The following MMS22L variants were observed in gnomAD, a reference collection of about 807,000 sequenced individuals.
The protein encoded by MMS22L is protein MMS22-like.
Under a neutral mutation model 159.1 loss-of-function variants are expected in MMS22L, and 74 were observed. The observed-to-expected ratio is 0.47, with a 90% CI of 0.39 to 0.56. MMS22L has a LOEUF of 0.56. Among genes scored for constraint, MMS22L ranks in the 20% least tolerant of loss-of-function variants. The pLI, the probability that MMS22L is intolerant of heterozygous loss-of-function variation, is 0.00. For synonymous variants in MMS22L, 517 were observed against 506.9 expected (o/e 1.02, Z -0.27); for missense variants, 1,351 against 1,422.1 (o/e 0.95, Z 0.80).
At chr6:97,172,083 T>G (rs1803607466) in intron 19 of MMS22L, among the ~76,000 whole-genome samples, 1 of 152,170 alleles carries the variant, frequency 6.6e-6, no homozygotes, top group Admixed American at 6.6e-5. Flanking sequence ...GACATTTATC[T>G]TGGCAAAAAT....
At chr6:97,172,883 G>A (rs569302989) in intron 19 of MMS22L, among the ~76,000 whole-genome samples, 180 bp downstream of exon 19, 1 of 152,216 alleles carries the variant, frequency 6.6e-6, no homozygotes, top group East Asian at 1.9e-4. Context: ...AAGAGATAGA[G>A]CAAGACAGAG....
intron 23 of MMS22L, among the ~76,000 whole-genome samples, chr6:97,150,669 A>C (rs1801235315): frequency 6.6e-6 from 1 of 152,170 alleles, no homozygotes; most frequent in Admixed American, 6.5e-5. Flanking sequence ...AATTTTCACA[A>C]ATCCATTGTT....
Position 97,282,345 on chromosome 6 carries a change from C to T in MMS22L, c.133G>A (p.Glu45Lys). 6.2e-7 allele frequency: 1 copy of T among 1,614,080 alleles called. No individual in the cohort carries two copies. The highest frequency in any genetic ancestry group is 1.1e-5 in the South Asian group (1 of 91,074). The change falls in exon 2 of 25, where the codon GAA becomes AAA. Residue 45 changes from glutamate (E) to lysine (K), a missense_variant. Coordinates refer to ENST00000683635, the MANE Select transcript of MMS22L (RefSeq NM_001350599.2). ...AGGGCTCCGCTGCAGAGGTAGGATT[C>T]TCCAGAAAAATGTTTTCCTCCTCCT... ...NRGGGKHFSGESYLCSGALKR... is the reference protein window; with the variant it reads ...NRGGGKHFSGKSYLCSGALKR...
Position 97,200,852 on chromosome 6 carries a change from GA to G in MMS22L, c.2040-14163del, listed in dbSNP as rs541179510. ...TCCTGTGAATTTTAACTAGAAATTG[GA>G]AAAAAAAATTACTTTCAAATAAGAC... On this transcript the variant is annotated intron_variant, in intron 14 of 24. Coordinates refer to ENST00000683635, the MANE Select transcript of MMS22L (RefSeq NM_001350599.2). Among the ~76,000 whole-genome samples the G allele has an allele frequency of 1.9e-3, 280 of 150,778 alleles. 2 individuals are homozygous for G. Among genetic ancestry groups the G allele is most frequent in the South Asian group, 3.8e-3 (18 of 4,768 alleles).
In MMS22L at chr6:97,183,142, C is replaced by G. The variant is rs150794398; in HGVS notation, c.2234-1088G>C. 1.6e-4 allele frequency among the ~76,000 whole-genome samples: 25 copies of G among 152,222 alleles called. No individual in the cohort carries two copies. The East Asian group carries it at 4.8e-3, about 29-fold the overall frequency. The stretch of plus-strand genomic sequence containing the variant: ...AAGTACCCCAATTTTTGACTCCAAA[C>G]TAGCTTTCCAACTTTCCTCTTCTCC... On this transcript the variant is annotated intron_variant, in intron 15 of 24. Transcript: ENST00000683635.
At chr6:97,212,849 T>C (rs6568813) in intron 14 of MMS22L, among the ~76,000 whole-genome samples, 92,868 of 152,114 alleles carry the variant, frequency 0.61, 31,017 homozygotes, top group Non-Finnish European at 0.76. Context: ...ACCCACAAAA[T>C]TGAAATACAG....
intron 20 of MMS22L, among the ~76,000 whole-genome samples, chr6:97,165,879 T>G (rs1582426135): frequency 6.6e-6 from 1 of 152,158 alleles, no homozygotes; most frequent in East Asian, 1.9e-4. Flanking sequence ...AAGTCTTCCA[T>G]GCTAAAAATC....
chr6:97,186,653 C>G lies in MMS22L; in HGVS notation c.2077G>C (p.Asp693His). ...HQQLCQELQR[D>H]NVDLFVQSSL... Reference sequence around the variant, plus strand: ...GACTGTACAAATAGGTCCACATTGTCCCTTTGAAGTTCCTGACACAATTGT... The same window carrying G: ...GACTGTACAAATAGGTCCACATTGTGCCTTTGAAGTTCCTGACACAATTGT... Residue 693 changes from aspartate (D) to histidine (H), a missense_variant, in exon 15 of 25, where the codon GAC becomes CAC. Transcript: ENST00000683635. 6.3e-7 allele frequency: 1 copy of G among 1,579,530 alleles called. No individual in the cohort carries two copies. The highest frequency in any genetic ancestry group is 8.6e-7 in the Non-Finnish European group (1 of 1,164,698).
chr6:97,218,015 C>T (rs756943448), intron 14 of MMS22L, among the ~76,000 whole-genome samples: 41 of 152,230 alleles, frequency 2.7e-4, no homozygotes, highest in Non-Finnish European at 5.0e-4. Flanking sequence ...TCCGAAATGT[C>T]TCAAAAGGAA....
chr6:97,168,744 T>A (rs1267076558), intron 19 of MMS22L, among the ~76,000 whole-genome samples: 1 of 152,146 alleles, frequency 6.6e-6, no homozygotes, highest in Non-Finnish European at 1.5e-5. Flanking sequence ...ACACATACAG[T>A]GGAATATATT....
chr6:97,254,810 A>G (rs895292909), intron 9 of MMS22L, 77 bp from the exon 10 acceptor site: 4 of 1,157,464 alleles, frequency 3.5e-6, no homozygotes, highest in African/African-American at 3.1e-5. Context: ...CTCTATTTTT[A>G]TAATGAAGCA....
chr6:97,276,008 C>G (rs1042795560), intron 4 of MMS22L, among the ~76,000 whole-genome samples: 1 of 151,856 alleles, frequency 6.6e-6, no homozygotes, highest in African/African-American at 2.4e-5. Flanking sequence ...TGTCTTGAGA[C>G]AGAGACAAAG....
At chr6:97,243,389 A>T (rs1812288146) in intron 11 of MMS22L, among the ~76,000 whole-genome samples, 1 of 151,926 alleles carries the variant, frequency 6.6e-6, no homozygotes, top group East Asian at 1.9e-4. Flanking sequence ...TTCTCAGTGC[A>T]TTTTGCATTT....
chr6:97,194,401 A>G (rs1328018860), intron 14 of MMS22L, among the ~76,000 whole-genome samples: 6 of 152,120 alleles, frequency 3.9e-5, no homozygotes, highest in Admixed American at 2.0e-4. Flanking sequence ...CCTATGGTGC[A>G]CCATGCTGTG....
intron 14 of MMS22L, among the ~76,000 whole-genome samples, chr6:97,192,424 C>T (rs1805983524): frequency 6.6e-6 from 1 of 152,092 alleles, no homozygotes; most frequent in South Asian, 2.1e-4. Flanking sequence ...CTCAGTTTTT[C>T]ATCTGTTAAA....
intron 20 of MMS22L, among the ~76,000 whole-genome samples, chr6:97,167,611 C>T (rs1207965578): frequency 1.3e-5 from 2 of 152,104 alleles, no homozygotes; most frequent in African/African-American, 4.8e-5. Context: ...ATAAAGCCCT[C>T]CATTACATGG....
upstream of MMS22L, chr6:97,283,620 A>G (rs1166614805): frequency 1.3e-5 from 2 of 152,196 alleles, no homozygotes; most frequent in Non-Finnish European, 2.9e-5. Flanking sequence ...TGCAACAATT[A>G]ATTTTCTCTG....
In MMS22L at chr6:97,186,548, G is replaced by T. The variant is rs1373290019; in HGVS notation, c.2182C>A (p.Gln728Lys). The change falls in exon 15 of 25, where the codon CAG becomes AAG. Residue 728 changes from glutamine to lysine, a missense_variant. Transcript: ENST00000683635. ...AAAGGCACTACCTGTGACATTCTCT[G>T]ACTCTTCAAAAATGAAAAGAAATGT... The part of the protein sequence containing the change: ...WRHFFSFLKS[Q>K]RMSQVVPFSQ... 2 of 1,612,992 alleles carry T rather than the reference G, an allele frequency of 1.2e-6. No individual in the cohort carries two copies. Among genetic ancestry groups the T allele is most frequent in the African/African-American group, 2.7e-5 (2 of 74,990 alleles).
intron 6 of MMS22L, chr6:97,270,309 A>T (rs1471901638): frequency 4.1e-6 from 2 of 490,664 alleles, no homozygotes; most frequent in Admixed American, 2.3e-5. Context: ...AGAATTTTTT[A>T]ACACGTATTT....
Sources: gnomAD v4.1 joint callset for allele counts (sites outside exome capture counted in the v4.1 genomes callset) on GRCh38, gnomAD v4.1.1 for gene constraint, MANE v1.5 for transcripts, NCBI Gene and HGNC (gene_info 2026-07-23, HGNC 2026-07-21) for gene names.